Variants in LARP1B observed in about 807,000 individuals in gnomAD.
The protein encoded by LARP1B is la-related protein 1B.
LARP1B carries 76 observed loss-of-function variants against 114.2 expected under a neutral mutation model. That is an observed-to-expected ratio of 0.67 (90% CI 0.55 to 0.81). LARP1B has a LOEUF of 0.81. LARP1B is among the 30% of genes least tolerant of loss of function. The pLI is 0.00. For synonymous variants in LARP1B, 345 were observed against 348.0 expected, an observed-to-expected ratio of 0.99 and a Z score of 0.10; for missense variants, 1,014 against 1,075.8, an observed-to-expected ratio of 0.94 and a Z score of 0.80.
At chr4:128,107,452 G>A (rs755827818) in intron 9 of LARP1B, 139 bp downstream of exon 9, 1 of 1,488,050 alleles carries the variant, frequency 6.7e-7, no homozygotes, top group East Asian at 2.5e-5. Flanking sequence ...GTCCCATTTT[G>A]TATTCATATT....
At position 128,107,319 on chromosome 4, in the gene LARP1B, A is replaced by G. The variant is rs1281694538; in HGVS notation, c.988+6A>G. Reference sequence around the variant, plus strand: ...AGCCTTTTGCTCACATACAGGTAACATCTTTTCTTCTAGAGCAAACGATGT... The same window carrying G: ...AGCCTTTTGCTCACATACAGGTAACGTCTTTTCTTCTAGAGCAAACGATGT... On this transcript the variant is annotated splice_donor_region_variant and intron_variant, in intron 9 of 19. Coordinates refer to ENST00000326639, the MANE Select transcript of LARP1B (RefSeq NM_018078.4). 6.2e-7 allele frequency: 1 copy of G among 1,613,896 alleles called. No homozygotes were observed. The highest frequency in any genetic ancestry group is 8.5e-7 in the Non-Finnish European group (1 of 1,179,892).
intron 5 of LARP1B, among the ~76,000 whole-genome samples, chr4:128,086,788 A>G (rs1422070289): frequency 6.6e-6 from 1 of 151,926 alleles, no homozygotes; most frequent in Non-Finnish European, 1.5e-5. Flanking sequence ...TGATCAGTCC[A>G]TTATAAATTA....
rs547767993 is a variant in LARP1B, at chr4:128,127,937, T to C, written c.1524+5749T>C. ...TGGTGCTGTCATAAGGATGAACATA[T>C]AGATCAATGGAATAAAATTCAGAGC... is the stretch of plus-strand genomic sequence containing the variant. On this transcript the variant is annotated intron_variant, in intron 11 of 19. Transcript: ENST00000326639. Among the ~76,000 whole-genome samples, 7 of 152,326 alleles carry C rather than the reference T, an allele frequency of 4.6e-5. 1 individual carries two copies. The South Asian group carries it at 1.5e-3, about 32-fold the overall frequency.
intron 12 of LARP1B, among the ~76,000 whole-genome samples, chr4:128,169,529 A>G (rs1008195985): frequency 6.6e-5 from 10 of 152,142 alleles, no homozygotes; most frequent in Admixed American, 2.0e-4. Context: ...TTTGAAATCT[A>G]ATTTTTAAGG....
chr4:128,129,907 C>T (rs146940851), intron 11 of LARP1B, among the ~76,000 whole-genome samples: 29 of 152,098 alleles, frequency 1.9e-4, no homozygotes, highest in African/African-American at 7.0e-4. Flanking sequence ...AAACCATAAA[C>T]GTCCTAGAAG....
At chr4:128,114,189 A>G (rs1184570453) in intron 9 of LARP1B, among the ~76,000 whole-genome samples, 1 of 152,218 alleles carries the variant, frequency 6.6e-6, no homozygotes, top group Non-Finnish European at 1.5e-5. Context: ...CATTTAGCTT[A>G]ACTATGGCTT....
intron 11 of LARP1B, among the ~76,000 whole-genome samples, chr4:128,137,936 GC>G (rs1218471050): frequency 1.3e-5 from 2 of 151,892 alleles, no homozygotes; most frequent in Non-Finnish European, 2.9e-5. Flanking sequence ...CTACAGGCAT[GC>G]ACCACCAAAC....
chr4:128,123,680 T>C (rs1455425954), intron 11 of LARP1B: 32 of 880,584 alleles, frequency 3.6e-5, no homozygotes, highest in Non-Finnish European at 4.4e-5. Context: ...TGTGGGTAAA[T>C]AAATTATGGA....
Position 128,179,444 on chromosome 4 carries a change from C to A in LARP1B, c.1935C>A (p.Pro645=), listed in dbSNP as rs1285946982. ...RKRKTRHSTN[P]PLECHVGWVM... ...GAAAAACAAGGCATAGCACAAATCC[C>A]CCTCTAGAGTGTCATGTTGGTTGGG... Residue 645 remains proline (P), a synonymous_variant, in exon 15 of 20, where the codon CCC becomes CCA. Coordinates refer to ENST00000326639, the MANE Select transcript of LARP1B (RefSeq NM_018078.4). The A allele has an allele frequency of 6.2e-7, 1 of 1,610,584 alleles. No individual in the cohort carries two copies. Among genetic ancestry groups the A allele is most frequent in the African/African-American group, 1.3e-5 (1 of 74,886 alleles).
At chr4:128,083,215 A>T (rs9942195) in intron 5 of LARP1B, among the ~76,000 whole-genome samples, 95,442 of 151,742 alleles carry the variant, frequency 0.63, 30,466 homozygotes, top group Middle Eastern at 0.81. Flanking sequence ...CATGTCTACT[A>T]CTTTCCACAC....
At chr4:128,146,235 C>A (rs1208439197) in intron 11 of LARP1B, among the ~76,000 whole-genome samples, 4 of 151,978 alleles carry the variant, frequency 2.6e-5, no homozygotes, top group Non-Finnish European at 5.9e-5. Context: ...TTCATTATGT[C>A]TAAAATGGTA....
chr4:128,090,969 G>A (rs1160193740), intron 5 of LARP1B, 32 bp from the exon 6 acceptor site: 7 of 1,470,042 alleles, frequency 4.8e-6, no homozygotes, highest in African/African-American at 2.9e-5. Context: ...TTGGCAAATC[G>A]AAGTATATAA....
Position 128,178,411 on chromosome 4 carries a change from A to T in LARP1B, c.1685-20A>T. On this transcript the variant is annotated intron_variant, in intron 13 of 19. Coordinates refer to ENST00000326639, the MANE Select transcript of LARP1B (RefSeq NM_018078.4). ...ATTTTCCTAGCATCTAAATAATTTT[A>T]AGAGTTTTTTATTTTGCAGATTTGA... 4 of 1,537,654 alleles carry T rather than the reference A, an allele frequency of 2.6e-6. No individual in the cohort carries two copies. In the South Asian group the frequency reaches 4.7e-5, roughly 18 times the overall value.
At chr4:128,104,797 C>T (rs999833560) in intron 8 of LARP1B, among the ~76,000 whole-genome samples, 2 of 152,116 alleles carry the variant, frequency 1.3e-5, no homozygotes, top group African/African-American at 4.8e-5. Context: ...GTTCTTTCCA[C>T]TTTGGGTCTT....
intron 5 of LARP1B, among the ~76,000 whole-genome samples, chr4:128,088,169 G>A (rs1391334682): frequency 6.7e-6 from 1 of 148,638 alleles, no homozygotes; most frequent in Non-Finnish European, 1.5e-5. Flanking sequence ...CAGCCTGGGT[G>A]ACAGAGTGAG....
intron 17 of LARP1B, among the ~76,000 whole-genome samples, chr4:128,201,881 C>T (rs1256453993): frequency 6.6e-6 from 1 of 152,162 alleles, no homozygotes; most frequent in African/African-American, 2.4e-5. Context: ...CCTAAACTTA[C>T]CCTTCTTTAA....
chr4:128,116,267 A>G (rs891270895), intron 10 of LARP1B, among the ~76,000 whole-genome samples: 1 of 152,236 alleles, frequency 6.6e-6, no homozygotes, highest in African/African-American at 2.4e-5. Context: ...CTGGGGAAGT[A>G]TAAGCTAAGA....
In LARP1B at chr4:128,199,530, C is replaced by T; in HGVS notation, c.2095C>T (p.His699Tyr). 2 of 1,601,906 alleles carry T rather than the reference C, an allele frequency of 1.2e-6. No individual in the cohort carries two copies. Among genetic ancestry groups the T allele is most frequent in the Non-Finnish European group, 1.7e-6 (2 of 1,173,352 alleles). ...HSFPKFQHPS[H>Y]ELLKENGFTQ... ...ATTCCCAAAGTTCCAGCATCCTTCT[C>T]ATGAACTTTTGAAGGAAAATGGCTT... Residue 699 changes from histidine (H) to tyrosine (Y), a missense_variant, in exon 16 of 20, where the codon CAT becomes TAT. Physicochemically the swap from His to Tyr is moderately conservative, Grantham distance 83. Coordinates refer to ENST00000326639, the MANE Select transcript of LARP1B (RefSeq NM_018078.4).
intron 5 of LARP1B, among the ~76,000 whole-genome samples, chr4:128,088,769 AAAAT>A (rs1774690955): frequency 6.6e-6 from 1 of 152,312 alleles, no homozygotes; most frequent in East Asian, 1.9e-4. Flanking sequence ...ACTTGTATGT[AAAAT>A]AAATAAGGCT....
Sources: allele counts gnomAD v4.1 joint callset (sites outside exome capture counted in the v4.1 genomes callset), GRCh38; gene constraint gnomAD v4.1.1; transcripts MANE v1.5; gene names NCBI Gene and HGNC (gene_info 2026-07-23, HGNC 2026-07-21).